Variants in OCA2 observed in about 807,000 individuals in gnomAD.
The protein encoded by OCA2 is P protein.
A neutral mutation model predicts 100.2 loss-of-function variants in OCA2; 77 were observed. The observed-to-expected ratio is 0.77, with a 90% CI of 0.64 to 0.93. The LOEUF (loss-of-function observed/expected upper bound fraction) is 0.93, where lower values mean the gene tolerates loss of function less well. Among genes scored for constraint, OCA2 ranks in the 40% least tolerant of loss-of-function variants. OCA2 has a pLI of 0.00. For synonymous variants in OCA2, 432 were observed against 439.2 expected, an observed-to-expected ratio of 0.98 and a Z score of 0.21; for missense variants, 1,062 against 1,089.1, an observed-to-expected ratio of 0.98 and a Z score of 0.35.
chr15:27,887,440 C>T (rs1194281718), intron 19 of OCA2, among the ~76,000 whole-genome samples: 7 of 151,292 alleles, frequency 4.6e-5, no homozygotes, highest in African/African-American at 9.7e-5. Flanking sequence ...AAAGCCCTGC[C>T]AGCAAAGGTA....
intron 5 of OCA2, 45 bp downstream of exon 5, chr15:28,024,800 C>T: frequency 6.2e-7 from 1 of 1,606,660 alleles, no homozygotes; most frequent in Non-Finnish European, 8.5e-7. Flanking sequence ...GCACACAGGG[C>T]TTCCACGGAC....
At chr15:27,755,765 T>A (rs1373125395) in intron 23 of OCA2, among the ~76,000 whole-genome samples, 1 of 152,208 alleles carries the variant, frequency 6.6e-6, no homozygotes, top group East Asian at 1.9e-4. Context: ...CTGTTGGTCT[T>A]TCAATGCCAT....
intron 21 of OCA2, among the ~76,000 whole-genome samples, chr15:27,855,997 G>A (rs957269801): frequency 2.0e-5 from 3 of 152,188 alleles, no homozygotes; most frequent in Non-Finnish European, 4.4e-5. Context: ...AGGCGAGAGT[G>A]TGAAACCAGG....
chr15:27,866,596 C>T (rs1422006959), intron 21 of OCA2, among the ~76,000 whole-genome samples: 2 of 152,206 alleles, frequency 1.3e-5, no homozygotes, highest in East Asian at 3.9e-4. Context: ...GCTACAAACA[C>T]AAACGGCTGG....
chr15:28,083,125 C>T (rs1051883712), intron 1 of OCA2, among the ~76,000 whole-genome samples: 10 of 152,278 alleles, frequency 6.6e-5, no homozygotes, highest in Admixed American at 5.2e-4. Flanking sequence ...CACTCCTAAT[C>T]GCCTGTTTCA....
At chr15:27,820,135 T>C (rs2034450182) in intron 23 of OCA2, among the ~76,000 whole-genome samples, 1 of 152,008 alleles carries the variant, frequency 6.6e-6, no homozygotes, top group South Asian at 2.1e-4. Flanking sequence ...CAAACTGATA[T>C]AAATGAATGA....
At chr15:27,986,489 T>C in intron 12 of OCA2, 98 bp downstream of exon 12, 2 of 873,628 alleles carry the variant, frequency 2.3e-6, no homozygotes, top group Non-Finnish European at 1.9e-6. Flanking sequence ...AATTTTTCAA[T>C]GTTTGTTTTA....
At chr15:27,927,639 C>T (rs2140383891) in intron 18 of OCA2, among the ~76,000 whole-genome samples, 1 of 152,236 alleles carries the variant, frequency 6.6e-6, no homozygotes, top group African/African-American at 2.4e-5. Flanking sequence ...ACAATCCCAC[C>T]AGCAGTGGAT....
At chr15:27,836,531 C>T (rs1185306815) in intron 23 of OCA2, among the ~76,000 whole-genome samples, 1 of 151,930 alleles carries the variant, frequency 6.6e-6, no homozygotes, top group Non-Finnish European at 1.5e-5. Flanking sequence ...ATTTTTAACC[C>T]TCAGGGGAAA....
At chr15:27,844,909 C>G (rs1410168850) in intron 23 of OCA2, 50 bp downstream of exon 23, 3 of 1,298,390 alleles carry the variant, frequency 2.3e-6, no homozygotes, top group Non-Finnish European at 2.2e-6. Flanking sequence ...ATTAAGTAAG[C>G]TTAGGAACTA....
chr15:27,823,319 G>T (rs2034576099), intron 23 of OCA2, among the ~76,000 whole-genome samples: 1 of 152,182 alleles, frequency 6.6e-6, no homozygotes, highest in South Asian at 2.1e-4. Flanking sequence ...TGCTAATGAA[G>T]AAGAAAGAGG....
At chr15:27,807,057 T>C (rs2033884533) in intron 23 of OCA2, among the ~76,000 whole-genome samples, 1 of 148,308 alleles carries the variant, frequency 6.7e-6, no homozygotes, top group South Asian at 2.2e-4. Flanking sequence ...CTGCCTCCCC[T>C]GTCTACCCGC....
chr15:27,990,424 G>T, intron 10 of OCA2, 152 bp downstream of exon 10: 1 of 772,532 alleles, frequency 1.3e-6, no homozygotes, highest in Non-Finnish European at 2.3e-6. Context: ...GCTGTAGCTT[G>T]TTAGTTCATA....
chr15:27,836,492 G>A lies in OCA2; in HGVS notation c.2432+8467C>T, dbSNP rs550259637. On this transcript the variant is annotated intron_variant, in intron 23 of 23. Transcript: ENST00000354638. The stretch of plus-strand genomic sequence containing the variant: ...GGATGAGACTAACTTTGAAATTTAC[G>A]TTCAGAAAATATTGATCTCACATTC... Among the ~76,000 whole-genome samples, 22 of 151,174 alleles carry A rather than the reference G, an allele frequency of 1.5e-4. No individual in the cohort carries two copies. The South Asian group carries it at 3.6e-3, about 24-fold the overall frequency.
intron 23 of OCA2, among the ~76,000 whole-genome samples, chr15:27,842,257 A>G (rs776976719): frequency 6.6e-6 from 1 of 152,236 alleles, no homozygotes; most frequent in Non-Finnish European, 1.5e-5. Context: ...AAAAATATGT[A>G]ATCTATGGTA....
chr15:27,798,403 T>C (rs2033440448), intron 23 of OCA2, among the ~76,000 whole-genome samples: 1 of 152,230 alleles, frequency 6.6e-6, no homozygotes, highest in African/African-American at 2.4e-5. Flanking sequence ...ATAATTTTAC[T>C]TTCAATTTTG....
chr15:28,074,620 G>A (rs1345026444), intron 2 of OCA2, among the ~76,000 whole-genome samples: 4 of 149,090 alleles, frequency 2.7e-5, no homozygotes, highest in South Asian at 4.2e-4. Flanking sequence ...CTTGCAGTGA[G>A]CCGAGATCAC....
intron 23 of OCA2, among the ~76,000 whole-genome samples, chr15:27,813,542 T>A (rs2034163488): frequency 6.6e-6 from 1 of 152,164 alleles, no homozygotes; most frequent in South Asian, 2.1e-4. Context: ...ACCTTTACTT[T>A]CAAAGCAGAG....
chr15:27,865,598 C>T (rs921444697), intron 21 of OCA2, among the ~76,000 whole-genome samples: 1 of 152,168 alleles, frequency 6.6e-6, no homozygotes, highest in Non-Finnish European at 1.5e-5. Context: ...GAACACTGAG[C>T]AGGCCTCCCG....
Sources: allele counts gnomAD v4.1 joint callset (sites outside exome capture counted in the v4.1 genomes callset), GRCh38; gene constraint gnomAD v4.1.1; transcripts MANE v1.5; gene names NCBI Gene and HGNC (gene_info 2026-07-23, HGNC 2026-07-21).